The following EPAS1 variants were observed in gnomAD, a reference collection of about 807,000 sequenced individuals.
The protein encoded by EPAS1 is endothelial PAS domain-containing protein 1.
In EPAS1, 23 loss-of-function variants were observed where a neutral mutation model predicts 87.9. The observed-to-expected ratio is 0.26, with a 90% CI of 0.19 to 0.37. The LOEUF is 0.37. EPAS1 is among the 10% of genes least tolerant of loss of function. EPAS1 has a pLI of 1.00. For synonymous variants in EPAS1, 508 were observed against 444.3 expected, an observed-to-expected ratio of 1.14 and a Z score of -1.80; for missense variants, 1,138 against 1,120.7, an observed-to-expected ratio of 1.02 and a Z score of -0.22.
At chr2:46,342,448 TCA>T (rs1415455303) in intron 1 of EPAS1, among the ~76,000 whole-genome samples, 1 of 152,256 alleles carries the variant, frequency 6.6e-6, no homozygotes, top group African/African-American at 2.4e-5. Flanking sequence ...TTAATTAGCC[TCA>T]GTCATCTCTT....
chr2:46,356,886 G>C (rs1684281786), intron 4 of EPAS1, 78 bp downstream of exon 4: 3 of 1,057,104 alleles, frequency 2.8e-6, no homozygotes, highest in South Asian at 1.3e-5. Context: ...GGGTATAAGG[G>C]AGATAGCTCA....
intron 10 of EPAS1, among the ~76,000 whole-genome samples, 177 bp from the exon 11 acceptor site, chr2:46,378,480 G>A (rs927912806): frequency 6.6e-6 from 1 of 152,190 alleles, no homozygotes; most frequent in Non-Finnish European, 1.5e-5. Context: ...ATTTAGAGAG[G>A]TTGATGAATT....
In EPAS1 at chr2:46,380,093, G is replaced by A; in HGVS notation, c.1555-134G>A. 6.9e-7 allele frequency: 1 copy of A among 1,445,464 alleles called. No homozygotes were observed. The highest frequency in any genetic ancestry group is 1.1e-5 in the South Asian group (1 of 87,306). The allele number at this position is 1,445,464 out of a possible 1,614,324, so 89.5% of individuals were successfully genotyped here. A position where few individuals can be genotyped will look rare whatever the true frequency, so the allele number is the denominator to read the frequency against. Reference sequence around the variant, plus strand: ...TGAGGTTTTCCTGATAGGCCCTCGGGAGCCAGTGGAGGCGTTTGAGCAGCA... The same window carrying A: ...TGAGGTTTTCCTGATAGGCCCTCGGAAGCCAGTGGAGGCGTTTGAGCAGCA... On this transcript the variant is annotated intron_variant, in intron 11 of 15. Transcript: ENST00000263734. The surrounding 1 kb of genome is among the most constrained non-coding windows in gnomAD (Gnocchi z 4.4).
chr2:46,336,092 T>A (rs1460296612), intron 1 of EPAS1, among the ~76,000 whole-genome samples: 2 of 152,180 alleles, frequency 1.3e-5, no homozygotes, highest in African/African-American at 2.4e-5. Flanking sequence ...CTGCAGCGCC[T>A]GGGAGAGGAG....
At position 46,360,153 on chromosome 2, in the gene EPAS1, C is replaced by G. The variant is rs1684358684; in HGVS notation, c.455-485C>G. 6.6e-6 allele frequency among the ~76,000 whole-genome samples: 1 copy of G among 152,212 alleles called. No individual in the cohort carries two copies. The highest frequency in any genetic ancestry group is 1.5e-5 in the Non-Finnish European group (1 of 68,044). ...ATGGGGTACAGGAGGGGTTAAATTCCTCCTGAGAGACAGGTTATAAAGGAA... is the reference window on the plus strand; with the variant it reads ...ATGGGGTACAGGAGGGGTTAAATTCGTCCTGAGAGACAGGTTATAAAGGAA... On this transcript the variant is annotated intron_variant, in intron 4 of 15. Coordinates refer to ENST00000263734, the MANE Select transcript of EPAS1 (RefSeq NM_001430.5). This position sits in a 1 kb window ranked among gnomAD's most constrained non-coding sequence, Gnocchi z 4.5.
chr2:46,376,698 G>C lies in EPAS1; in HGVS notation c.1194G>C (p.Glu398Asp). ...FLFTKLKEEP[E>D]ELAQLAPTPG... Reference sequence around the variant, plus strand: ...TCACCAAGCTAAAGGAGGAGCCCGAGGAGCTGGCCCAGCTGGCTCCCACCC... The same window carrying C: ...TCACCAAGCTAAAGGAGGAGCCCGACGAGCTGGCCCAGCTGGCTCCCACCC... The change falls in exon 9 of 16, where the codon GAG becomes GAC. Residue 398 changes from glutamate (E) to aspartate (D), a missense_variant. Coordinates refer to ENST00000263734, the MANE Select transcript of EPAS1 (RefSeq NM_001430.5). 1.2e-6 allele frequency: 2 copies of C among 1,613,598 alleles called. No homozygotes were observed. Among genetic ancestry groups the C allele is most frequent in the Non-Finnish European group, 1.7e-6 (2 of 1,180,012 alleles).
intron 2 of EPAS1, among the ~76,000 whole-genome samples, chr2:46,352,420 A>G (rs1684184373): frequency 6.6e-6 from 1 of 152,244 alleles, no homozygotes; most frequent in African/African-American, 2.4e-5. Context: ...CCTTGTGCCT[A>G]GCATAAAGCA....
In EPAS1 at chr2:46,378,580, T is replaced by C. The variant is rs537078833; in HGVS notation, c.1444-77T>C. 19 of 1,260,088 alleles carry C rather than the reference T, an allele frequency of 1.5e-5. No individual in the cohort carries two copies. The East Asian group carries it at 1.9e-4, about 12-fold the overall frequency. 78.1% of individuals were successfully genotyped at this position (1,260,088 alleles called of 1,614,324 possible). ...TTGAACCTTTGGGTCCAGGAAGGTA[T>C]TTCTTCTTCCATGCTGGACTTCTGG... On this transcript the variant is annotated intron_variant, in intron 10 of 15. Coordinates refer to ENST00000263734, the MANE Select transcript of EPAS1 (RefSeq NM_001430.5).
intron 7 of EPAS1, among the ~76,000 whole-genome samples, chr2:46,374,170 T>C (rs1165455204): frequency 6.6e-6 from 1 of 152,194 alleles, no homozygotes; most frequent in Non-Finnish European, 1.5e-5. Flanking sequence ...GTGTAAAGGA[T>C]TACCAAACTG....
intron 1 of EPAS1, among the ~76,000 whole-genome samples, chr2:46,337,211 A>C (rs1683812172): frequency 6.6e-6 from 1 of 152,210 alleles, no homozygotes; most frequent in Non-Finnish European, 1.5e-5. Context: ...TATGTGGTCT[A>C]GTTAGGGAGA....
chr2:46,379,391 AGTTT>A (rs1189334807), intron 11 of EPAS1, among the ~76,000 whole-genome samples: 2 of 152,102 alleles, frequency 1.3e-5, no homozygotes, highest in Admixed American at 6.5e-5. Context: ...CTTGCCACTT[AGTTT>A]GTTTCTTGAT....
intron 1 of EPAS1, among the ~76,000 whole-genome samples, chr2:46,301,437 C>T (rs1028027060): frequency 2.6e-5 from 4 of 151,790 alleles, no homozygotes; most frequent in Admixed American, 1.3e-4. Context: ...ATTAGCCGGG[C>T]GTGGTGGTGG....
At chr2:46,356,404 A>C in intron 3 of EPAS1, 102 bp downstream of exon 3, 22 of 1,472,492 alleles carry the variant, frequency 1.5e-5, no homozygotes, top group Non-Finnish European at 1.9e-5. Flanking sequence ...CTCTCCCTGC[A>C]AATGCCCACG....
chr2:46,305,626 A>C (rs933684986), intron 1 of EPAS1, among the ~76,000 whole-genome samples: 1 of 152,192 alleles, frequency 6.6e-6, no homozygotes, highest in Non-Finnish European at 1.5e-5. Flanking sequence ...TTTATTTGCC[A>C]TGTACTCATC....
At chr2:46,340,282 T>G (rs1264941725) in intron 1 of EPAS1, among the ~76,000 whole-genome samples, 3 of 151,934 alleles carry the variant, frequency 2.0e-5, no homozygotes, top group African/African-American at 7.3e-5. Flanking sequence ...TAGAGGGCCA[T>G]GCTGGGTGAG....
intron 7 of EPAS1, among the ~76,000 whole-genome samples, chr2:46,374,328 C>T (rs1055110748): frequency 9.2e-5 from 14 of 152,052 alleles, no homozygotes; most frequent in Non-Finnish European, 1.8e-4. Context: ...AGACTATCTA[C>T]CAACGTGTAA....
intron 1 of EPAS1, among the ~76,000 whole-genome samples, chr2:46,302,649 G>C (rs151143398): frequency 1.3e-4 from 19 of 147,306 alleles, no homozygotes; most frequent in African/African-American, 4.8e-4. Flanking sequence ...ATTCAACACC[G>C]ACTCCTACTC....
intron 1 of EPAS1, among the ~76,000 whole-genome samples, chr2:46,327,221 T>G (rs1300815796): frequency 6.6e-6 from 1 of 152,208 alleles, no homozygotes; most frequent in African/African-American, 2.4e-5. Flanking sequence ...ATTAAATGCC[T>G]GCTGTGTGCC....
chr2:46,337,493 C>T (rs934237558), intron 1 of EPAS1, among the ~76,000 whole-genome samples: 6 of 152,212 alleles, frequency 3.9e-5, no homozygotes, highest in East Asian at 3.8e-4. Context: ...ACTTGCCCCA[C>T]GGAGTTTGCT....
Sources: allele counts gnomAD v4.1 joint callset (sites outside exome capture counted in the v4.1 genomes callset), GRCh38; gene constraint gnomAD v4.1.1; non-coding constraint Gnocchi (gnomAD v3.1); transcripts MANE v1.5; gene names NCBI Gene and HGNC (gene_info 2026-07-23, HGNC 2026-07-21).